CTNND2: variants seen among roughly 807,000 people sequenced by gnomAD.
The protein encoded by CTNND2 is catenin delta-2.
A neutral mutation model predicts 144.4 loss-of-function variants in CTNND2; 22 were observed. The ratio of observed to expected loss-of-function variants is 0.15; its 90% CI spans 0.11 to 0.22. The LOEUF is 0.22. Ranked by LOEUF, CTNND2 falls within the 10% of genes least tolerant of loss-of-function variation. CTNND2 has a pLI of 1.00. For synonymous variants in CTNND2, 751 were observed against 695.6 expected, an observed-to-expected ratio of 1.08 and a Z score of -1.25; for missense variants, 1,353 against 1,618.8, an observed-to-expected ratio of 0.84 and a Z score of 2.82.
At chr5:11,644,271 A>C (rs755414059) in intron 2 of CTNND2, among the ~76,000 whole-genome samples, 2 of 152,240 alleles carry the variant, frequency 1.3e-5, no homozygotes, top group Admixed American at 6.5e-5. Context: ...GTGGCACTTT[A>C]TGTAGGATGT....
chr5:11,560,781 C>T (rs139665015), intron 3 of CTNND2, among the ~76,000 whole-genome samples: 1 of 152,240 alleles, frequency 6.6e-6, no homozygotes, highest in African/African-American at 2.4e-5. Flanking sequence ...GGAGGATATT[C>T]TAGGAAGAAA....
At chr5:11,839,509 C>A (rs1207962004) in intron 1 of CTNND2, among the ~76,000 whole-genome samples, 2 of 151,986 alleles carry the variant, frequency 1.3e-5, no homozygotes, top group Non-Finnish European at 2.9e-5. Flanking sequence ...AAGTGGATTT[C>A]ACTTGGGGAC....
At chr5:11,468,093 C>G (rs1483646370) in intron 3 of CTNND2, among the ~76,000 whole-genome samples, 1 of 152,154 alleles carries the variant, frequency 6.6e-6, no homozygotes, top group Non-Finnish European at 1.5e-5. Context: ...TAATCTACAT[C>G]AAAAACTGCA....
intron 3 of CTNND2, among the ~76,000 whole-genome samples, chr5:11,549,484 T>G (rs1282158308): frequency 6.6e-6 from 1 of 152,204 alleles, no homozygotes; most frequent in Non-Finnish European, 1.5e-5. Context: ...CTCCAGATTT[T>G]AGATGCAAAT....
intron 3 of CTNND2, among the ~76,000 whole-genome samples, chr5:11,529,415 T>C (rs1773542857): frequency 6.6e-6 from 1 of 152,244 alleles, no homozygotes; most frequent in Non-Finnish European, 1.5e-5. Flanking sequence ...GAAACAAAAT[T>C]CTTCCATAGT....
At chr5:11,423,480 T>C (rs31887) in intron 3 of CTNND2, among the ~76,000 whole-genome samples, 24,091 of 152,190 alleles carry the variant, frequency 0.16, 3,407 homozygotes, top group African/African-American at 0.37. Context: ...TTGCATTCAA[T>C]GTATTTTTGT....
At chr5:11,427,445 T>C (rs1224699542) in intron 3 of CTNND2, among the ~76,000 whole-genome samples, 1 of 151,870 alleles carries the variant, frequency 6.6e-6, no homozygotes. Context: ...GCCCGGCTAA[T>C]TTTTTTGTAT....
At chr5:11,853,707 C>A (rs1299589072) in intron 1 of CTNND2, among the ~76,000 whole-genome samples, 2 of 152,204 alleles carry the variant, frequency 1.3e-5, no homozygotes, top group South Asian at 2.1e-4. Context: ...TGCATCCCTA[C>A]AGTTTCTGAG....
chr5:11,341,209 G>A (rs1350401623), intron 9 of CTNND2, among the ~76,000 whole-genome samples: 2 of 152,150 alleles, frequency 1.3e-5, no homozygotes, highest in African/African-American at 4.8e-5. Flanking sequence ...CTTTGAAAAA[G>A]GGATAGGTGT....
At chr5:10,981,266 C>T (rs1201091879) in intron 21 of CTNND2, among the ~76,000 whole-genome samples, 2 of 152,202 alleles carry the variant, frequency 1.3e-5, no homozygotes, top group African/African-American at 4.8e-5. Flanking sequence ...TAGCAAGACA[C>T]TACAATGCAT....
At chr5:11,023,138 C>G (rs1484649786) in intron 16 of CTNND2, among the ~76,000 whole-genome samples, 159 bp from the exon 17 acceptor site, 1 of 152,166 alleles carries the variant, frequency 6.6e-6, no homozygotes, top group South Asian at 2.1e-4. Context: ...TAGTTTTACA[C>G]ACATCTACAG....
intron 3 of CTNND2, among the ~76,000 whole-genome samples, chr5:11,452,444 A>G (rs1345379245): frequency 2.0e-5 from 3 of 152,216 alleles, no homozygotes; most frequent in Non-Finnish European, 1.5e-5. Flanking sequence ...GGAAACACTG[A>G]TGTCCAGAGA....
At chr5:11,017,826 T>G in intron 18 of CTNND2, 148 bp downstream of exon 18, 1 of 631,690 alleles carries the variant, frequency 1.6e-6, no homozygotes, top group Non-Finnish European at 2.9e-6. Flanking sequence ...AGGGGACACA[T>G]TGCCTCTTTT....
chr5:11,294,754 C>A (rs1264544338), intron 9 of CTNND2, among the ~76,000 whole-genome samples: 2 of 152,276 alleles, frequency 1.3e-5, no homozygotes, highest in East Asian at 3.9e-4. Context: ...TCAATAGATG[C>A]AGAAAAGGCC....
At chr5:11,696,948 G>A (rs899650743) in intron 2 of CTNND2, among the ~76,000 whole-genome samples, 1 of 151,994 alleles carries the variant, frequency 6.6e-6, no homozygotes, top group Non-Finnish European at 1.5e-5. Flanking sequence ...TTAAACACCT[G>A]GGCAATATCA....
In CTNND2 at chr5:11,235,172, C is replaced by A. The variant is rs114374931; in HGVS notation, c.1761+1519G>T. Among the ~76,000 whole-genome samples the A allele has an allele frequency of 2.3e-3, 346 of 152,242 alleles. 1 individual carries two copies. Among genetic ancestry groups the A allele is most frequent in the South Asian group, 8.3e-3 (40 of 4,816 alleles). On this transcript the variant is annotated intron_variant, in intron 10 of 21. Transcript: ENST00000304623. ...TACAACACTCTTGAATCAATTCATG[C>A]TAACGATGAAATGAAATGCTTTCAT... is the stretch of plus-strand genomic sequence containing the variant.
chr5:11,735,578 C>T (rs1363481055), intron 1 of CTNND2, among the ~76,000 whole-genome samples: 1 of 152,128 alleles, frequency 6.6e-6, no homozygotes, highest in Non-Finnish European at 1.5e-5. Context: ...ATGGTAGCTT[C>T]CATAATCCCC....
At chr5:11,375,149 C>A (rs1757814894) in intron 7 of CTNND2, among the ~76,000 whole-genome samples, 1 of 152,138 alleles carries the variant, frequency 6.6e-6, no homozygotes, top group Non-Finnish European at 1.5e-5. Flanking sequence ...CAGAAATTCC[C>A]TTTAAACCAT....
chr5:11,798,135 G>T (rs913921781), intron 1 of CTNND2, among the ~76,000 whole-genome samples: 1 of 151,706 alleles, frequency 6.6e-6, no homozygotes, highest in Non-Finnish European at 1.5e-5. Flanking sequence ...GGTGGTACAT[G>T]CCTGTAGTCC....
Sources: gnomAD v4.1 joint callset for allele counts (sites outside exome capture counted in the v4.1 genomes callset) on GRCh38, gnomAD v4.1.1 for gene constraint, MANE v1.5 for transcripts, NCBI Gene and HGNC (gene_info 2026-07-23, HGNC 2026-07-21) for gene names.